PDE10A: variants seen among roughly 807,000 people sequenced by gnomAD.
The protein encoded by PDE10A is cAMP and cAMP-inhibited cGMP 3',5'-cyclic phosphodiesterase 10A.
Under a neutral mutation model 97.7 loss-of-function variants are expected in PDE10A, and 39 were observed. That is an observed-to-expected ratio of 0.40 (90% CI 0.31 to 0.52). The LOEUF is 0.52. Among genes scored for constraint, PDE10A ranks in the 20% least tolerant of loss-of-function variants. The pLI is 0.56. For synonymous variants in PDE10A, 371 were observed against 376.8 expected (o/e 0.98, Z 0.18); for missense variants, 731 against 1,047.8 (o/e 0.70, Z 4.17).
chr6:165,465,890 C>T lies in PDE10A; in HGVS notation c.1024-15528G>A, dbSNP rs113757103. On this transcript the variant is annotated intron_variant, in intron 3 of 21. Transcript: ENST00000539869. Reference sequence around the variant, plus strand: ...GTATGATTTAGGAGTAGCATAGTTCCGAAGTTTAGAGAATGCATCTTAAAG... The same window carrying T: ...GTATGATTTAGGAGTAGCATAGTTCTGAAGTTTAGAGAATGCATCTTAAAG... 3.6e-3 allele frequency among the ~76,000 whole-genome samples: 542 copies of T among 152,182 alleles called. 2 individuals carry two copies. Among genetic ancestry groups the T allele is most frequent in the African/African-American group, 0.013 (520 of 41,514 alleles).
At chr6:165,688,717 A>C (rs1042710088) in intron 1 of PDE10A, among the ~76,000 whole-genome samples, 5 of 152,216 alleles carry the variant, frequency 3.3e-5, no homozygotes, top group African/African-American at 1.2e-4. Context: ...CAGGTGAGCA[A>C]AGAGAAGAAC....
intron 1 of PDE10A, among the ~76,000 whole-genome samples, chr6:165,586,788 T>G (rs796215542): frequency 6.6e-6 from 1 of 152,304 alleles, no homozygotes; most frequent in African/African-American, 2.4e-5. Context: ...CTCGCTTCCT[T>G]GATTTGAAAT....
chr6:165,382,249 T>G (rs1784983714), intron 17 of PDE10A, among the ~76,000 whole-genome samples: 1 of 152,122 alleles, frequency 6.6e-6, no homozygotes, highest in African/African-American at 2.4e-5. Flanking sequence ...GAATAGATGA[T>G]TCTCAACACT....
rs530181473 is a variant in PDE10A at position 165,791,713 on chromosome 6, G to T, written c.-615+195816C>A. Reference sequence around the variant, plus strand: ...CACCCTCCCAGCTCTGCAATGGCTCGTGCTGCCTTACCTAGAGTCTCCGGC... The same window carrying T: ...CACCCTCCCAGCTCTGCAATGGCTCTTGCTGCCTTACCTAGAGTCTCCGGC... On this transcript the variant is annotated intron_variant, in intron 1 of 19. Transcript: ENST00000366882. Among the ~76,000 whole-genome samples, 3 of 152,236 alleles carry T rather than the reference G, an allele frequency of 2.0e-5. No homozygotes were observed. The South Asian group carries it at 6.2e-4, about 32-fold the overall frequency.
chr6:165,370,524 G>A (rs1324085222), intron 18 of PDE10A, among the ~76,000 whole-genome samples: 15 of 148,936 alleles, frequency 1.0e-4, no homozygotes, highest in African/African-American at 3.7e-4. Context: ...AACAAGAAGA[G>A]CTAACTATCC....
intron 1 of PDE10A, among the ~76,000 whole-genome samples, chr6:165,724,653 A>G (rs1040032044): frequency 3.9e-5 from 6 of 152,258 alleles, no homozygotes; most frequent in Non-Finnish European, 5.9e-5. Context: ...GCTTACAAGA[A>G]TAACTAATGG....
intron 1 of PDE10A, among the ~76,000 whole-genome samples, chr6:165,582,674 C>CAA (rs1176771365): frequency 7.1e-6 from 1 of 140,560 alleles, no homozygotes; most frequent in African/African-American, 2.6e-5. Flanking sequence ...TGAGAACAAA[C>CAA]AAAAAAAAAA....
intron 3 of PDE10A, among the ~76,000 whole-genome samples, chr6:165,452,983 C>T (rs951879942): frequency 1.3e-5 from 2 of 151,480 alleles, no homozygotes; most frequent in Non-Finnish European, 2.9e-5. Flanking sequence ...CTGATAGAAA[C>T]ATGGACAATA....
At chr6:165,531,804 A>G (rs1203173743) in intron 2 of PDE10A, among the ~76,000 whole-genome samples, 1 of 152,174 alleles carries the variant, frequency 6.6e-6, no homozygotes, top group Non-Finnish European at 1.5e-5. Context: ...TTGAATATTT[A>G]TGCTCTTTCT....
intron 1 of PDE10A, among the ~76,000 whole-genome samples, chr6:165,630,134 A>AGCT (rs1015217297): frequency 1.3e-5 from 2 of 152,118 alleles, no homozygotes; most frequent in African/African-American, 4.8e-5. Context: ...AACTGCACTG[A>AGCT]GCTCAGGAGT....
chr6:165,728,268 C>A (rs1337823550), intron 1 of PDE10A, among the ~76,000 whole-genome samples: 2 of 152,160 alleles, frequency 1.3e-5, no homozygotes, highest in Non-Finnish European at 2.9e-5. Flanking sequence ...CTTTTCTGTG[C>A]ACCTTCAGAG....
intron 1 of PDE10A, among the ~76,000 whole-genome samples, chr6:165,799,538 G>A (rs983033754): frequency 6.6e-5 from 10 of 152,098 alleles, no homozygotes; most frequent in African/African-American, 2.2e-4. Flanking sequence ...GTATGGATTC[G>A]ATTGTATCTC....
chr6:165,913,658 G>A (rs1329122088), intron 1 of PDE10A, among the ~76,000 whole-genome samples: 1 of 152,150 alleles, frequency 6.6e-6, no homozygotes, highest in Non-Finnish European at 1.5e-5. Context: ...TATGAACGTG[G>A]AAACACACAT....
At chr6:165,872,198 T>A (rs1268784616) in intron 1 of PDE10A, among the ~76,000 whole-genome samples, 1 of 152,208 alleles carries the variant, frequency 6.6e-6, no homozygotes, top group Non-Finnish European at 1.5e-5. Context: ...ACTGTATTTG[T>A]AACATGCACA....
chr6:165,732,741 C>T (rs2128451395), intron 1 of PDE10A, among the ~76,000 whole-genome samples: 1 of 152,362 alleles, frequency 6.6e-6, no homozygotes, highest in South Asian at 2.1e-4. Context: ...CATCCAAAAT[C>T]TCCCAACAGT....
chr6:165,975,069 C>T (rs1424913364), intron 1 of PDE10A, among the ~76,000 whole-genome samples: 1 of 152,170 alleles, frequency 6.6e-6, no homozygotes, highest in East Asian at 1.9e-4. Context: ...GAGAAGGAGC[C>T]CGGGTCCAGA....
At chr6:165,953,678 G>A (rs887816782) in intron 1 of PDE10A, among the ~76,000 whole-genome samples, 1 of 152,040 alleles carries the variant, frequency 6.6e-6, no homozygotes, top group Non-Finnish European at 1.5e-5. Context: ...TCCCGTCCCC[G>A]GCATCCTCTA....
chr6:165,778,196 G>A (rs1263961055), intron 1 of PDE10A, among the ~76,000 whole-genome samples: 1 of 151,804 alleles, frequency 6.6e-6, no homozygotes, highest in Non-Finnish European at 1.5e-5. Context: ...TGCCTCTCCC[G>A]AGTAGCTGGG....
chr6:165,807,433 C>T (rs886138456), intron 1 of PDE10A, among the ~76,000 whole-genome samples: 2 of 152,058 alleles, frequency 1.3e-5, no homozygotes, highest in African/African-American at 2.4e-5. Flanking sequence ...CTTTCTGCCC[C>T]GCCCACAGCA....
Sources: gnomAD v4.1 joint callset for allele counts (sites outside exome capture counted in the v4.1 genomes callset) on GRCh38, gnomAD v4.1.1 for gene constraint, MANE v1.5 for transcripts, NCBI Gene and HGNC (gene_info 2026-07-23, HGNC 2026-07-21) for gene names.